DGKG: variants seen among roughly 807,000 people sequenced by gnomAD.
DGKG encodes the protein DAG kinase gamma.
In DGKG, 78 loss-of-function variants were observed where a neutral mutation model predicts 105.3. The observed-to-expected ratio is 0.74, with a 90% confidence interval of 0.62 to 0.89. DGKG has a LOEUF of 0.89. Ranked by LOEUF, DGKG falls within the 40% of genes least tolerant of loss-of-function variation. The pLI, the probability that DGKG is intolerant of heterozygous loss-of-function variation, is 0.00. For missense variants in DGKG, 958 were observed against 1,020.1 expected (o/e 0.94, Z 0.83); for synonymous variants, 346 against 367.1 (o/e 0.94, Z 0.66).
chr3:186,230,898 G>GGT (rs1197057147), intron 20 of DGKG, among the ~76,000 whole-genome samples: 2 of 152,160 alleles, frequency 1.3e-5, no homozygotes, highest in East Asian at 3.8e-4. Flanking sequence ...CAGAGAAGGT[G>GGT]GTGTGTTTAT....
chr3:186,187,565 C>T (rs940999712), intron 22 of DGKG, among the ~76,000 whole-genome samples: 7 of 152,132 alleles, frequency 4.6e-5, no homozygotes, highest in Admixed American at 3.9e-4. Context: ...ACACAGGCTG[C>T]TGGACATAGG....
chr3:186,215,672 G>C (rs73180318), intron 20 of DGKG, among the ~76,000 whole-genome samples: 14 of 151,906 alleles, frequency 9.2e-5, no homozygotes, highest in Admixed American at 5.9e-4. Flanking sequence ...AGAGAAGAGT[G>C]GGGGAGACTC....
chr3:186,250,554 A>ATTATTTTTTTTT (rs1165295513), intron 19 of DGKG, among the ~76,000 whole-genome samples: 2 of 27,632 alleles, frequency 7.2e-5, no homozygotes, highest in East Asian at 1.9e-3. Flanking sequence ...TAATTCTGTC[A>ATTATTTTTTTTT]TTCTTTTTTT....
chr3:186,249,827 G>A (rs964264728), intron 19 of DGKG, among the ~76,000 whole-genome samples: 10 of 145,102 alleles, frequency 6.9e-5, no homozygotes, highest in African/African-American at 2.4e-4. Flanking sequence ...AGTGAGACTC[G>A]TCTCAAAAAC....
chr3:186,276,474 G>A (rs1722594064), intron 9 of DGKG, among the ~76,000 whole-genome samples: 2 of 152,210 alleles, frequency 1.3e-5, no homozygotes, highest in African/African-American at 4.8e-5. Flanking sequence ...ATGTTTTACA[G>A]TGTGCATGTA....
intron 19 of DGKG, among the ~76,000 whole-genome samples, chr3:186,246,724 TTA>T (rs1478736515): frequency 6.6e-6 from 1 of 151,930 alleles, no homozygotes; most frequent in Non-Finnish European, 1.5e-5. Flanking sequence ...GCAGGAAAAA[TTA>T]TGTCTTGTTG....
chr3:186,235,672 A>G (rs1014206889), intron 20 of DGKG, among the ~76,000 whole-genome samples: 3 of 152,222 alleles, frequency 2.0e-5, no homozygotes, highest in Admixed American at 6.5e-5. Context: ...TATTCAAGAG[A>G]GGAAGCCCTT....
In DGKG at chr3:186,203,665, G is replaced by T. The variant is rs990215355; in HGVS notation, c.1917+8130C>A. Among the ~76,000 whole-genome samples, 4 of 152,332 alleles carry T rather than the reference G, an allele frequency of 2.6e-5. No homozygotes were observed. The South Asian group carries it at 8.3e-4, about 32-fold the overall frequency. On this transcript the variant is annotated intron_variant, in intron 21 of 24. Transcript: ENST00000265022. The surrounding 1 kb of genome is among the most constrained non-coding windows in gnomAD (Gnocchi z 4.9). ...TGGATTGAGGAAGGGGAATAAACTAGAAGGAGGAGCTCTCTCAGGACCATT... is the reference window on the plus strand; with the variant it reads ...TGGATTGAGGAAGGGGAATAAACTATAAGGAGGAGCTCTCTCAGGACCATT...
At chr3:186,172,619 G>A (rs2108487179) in intron 22 of DGKG, among the ~76,000 whole-genome samples, 1 of 152,354 alleles carries the variant, frequency 6.6e-6, no homozygotes, top group Non-Finnish European at 1.5e-5. Context: ...GTTAGCCAAT[G>A]CTCATGTTGA....
chr3:186,265,201 T>C (rs1006228152), intron 14 of DGKG, 46 bp downstream of exon 14: 1 of 1,600,494 alleles, frequency 6.2e-7, no homozygotes. Flanking sequence ...GCCACAGCCC[T>C]GGAACAACTT....
chr3:186,197,737 AG>A (rs1354533337), intron 21 of DGKG, among the ~76,000 whole-genome samples: 1 of 152,162 alleles, frequency 6.6e-6, no homozygotes, highest in African/African-American at 2.4e-5. Flanking sequence ...TGTCAGTTAT[AG>A]TAGCCTGAAT....
At chr3:186,278,577 G>C (rs999402444) in intron 9 of DGKG, among the ~76,000 whole-genome samples, 1 of 152,124 alleles carries the variant, frequency 6.6e-6, no homozygotes, top group African/African-American at 2.4e-5. Context: ...TGACTTTCTA[G>C]GGTTCTAAGG....
At chr3:186,303,995 C>T (rs1016846954) in intron 3 of DGKG, among the ~76,000 whole-genome samples, 5 of 152,222 alleles carry the variant, frequency 3.3e-5, no homozygotes, top group Non-Finnish European at 5.9e-5. Context: ...TGTGAGAGAA[C>T]GAAATCAGAG....
intron 5 of DGKG, among the ~76,000 whole-genome samples, chr3:186,293,264 C>G (rs1020175907): frequency 3.9e-5 from 6 of 152,220 alleles, no homozygotes; most frequent in African/African-American, 1.4e-4. Flanking sequence ...ATCCTCGGTG[C>G]TTTGCCTATT....
At chr3:186,357,308 T>C (rs1727015242) in intron 1 of DGKG, among the ~76,000 whole-genome samples, 1 of 152,126 alleles carries the variant, frequency 6.6e-6, no homozygotes, top group South Asian at 2.1e-4. Flanking sequence ...CTTGGAAAGC[T>C]TTCAAAAGTC....
chr3:186,278,680 T>A (rs953079113), intron 9 of DGKG, among the ~76,000 whole-genome samples: 11 of 152,192 alleles, frequency 7.2e-5, no homozygotes, highest in Admixed American at 1.3e-4. Context: ...GCAAGATTCA[T>A]AGTTCTTGAG....
At chr3:186,333,063 G>C (rs7653536) in intron 1 of DGKG, among the ~76,000 whole-genome samples, 35,758 of 152,062 alleles carry the variant, frequency 0.24, 4,335 homozygotes, top group Middle Eastern at 0.35. Flanking sequence ...TAAGAAATAA[G>C]TTCCTTTTCT....
intron 22 of DGKG, among the ~76,000 whole-genome samples, chr3:186,182,790 C>A (rs1342483403): frequency 1.3e-5 from 2 of 152,086 alleles, no homozygotes; most frequent in African/African-American, 4.8e-5. Context: ...AGGCAAGATT[C>A]TTTCCCCTCT....
At chr3:186,310,397 T>C (rs1724485217) in intron 2 of DGKG, among the ~76,000 whole-genome samples, 1 of 152,030 alleles carries the variant, frequency 6.6e-6, no homozygotes, top group African/African-American at 2.4e-5. Flanking sequence ...CATAGGATTA[T>C]AGTATCAATA....
Sources: gnomAD v4.1 joint callset for allele counts (sites outside exome capture counted in the v4.1 genomes callset) on GRCh38, gnomAD v4.1.1 for gene constraint, Gnocchi (gnomAD v3.1) non-coding constraint, MANE v1.5 for transcripts, NCBI Gene and HGNC (gene_info 2026-07-23, HGNC 2026-07-21) for gene names.